Variants in LRRIQ3 observed in about 807,000 individuals in gnomAD.
LRRIQ3 encodes the protein leucine rich repeats and IQ motif containing 3.
A neutral mutation model predicts 59.3 loss-of-function variants in LRRIQ3; 75 were observed. That is an observed-to-expected ratio of 1.26 (90% confidence interval 1.05 to 1.53). LRRIQ3 has a LOEUF of 1.53. Ranked by LOEUF, LRRIQ3 falls within the 40% of genes most tolerant of loss-of-function variation. LRRIQ3 has a pLI of 0.00. For synonymous variants in LRRIQ3, 250 were observed against 231.3 expected (o/e 1.08, Z -0.73); for missense variants, 831 against 710.0 (o/e 1.17, Z -1.94).
chr1:74,183,728 A>C, intron 1 of LRRIQ3, 44 bp from the exon 2 acceptor site: 1 of 1,395,388 alleles, frequency 7.2e-7, no homozygotes, highest in Non-Finnish European at 9.4e-7. Context: ...TTCCACTTTC[A>C]AAAATTTACC....
intron 6 of LRRIQ3, among the ~76,000 whole-genome samples, chr1:74,044,403 G>T (rs559155574): frequency 1.3e-5 from 2 of 152,034 alleles, no homozygotes; most frequent in Non-Finnish European, 2.9e-5. Flanking sequence ...AGAGCTAGTT[G>T]TTTAAAAAAG....
intron 6 of LRRIQ3, among the ~76,000 whole-genome samples, chr1:74,068,508 G>A (rs1654930997): frequency 6.6e-6 from 1 of 152,010 alleles, no homozygotes; most frequent in East Asian, 1.9e-4. Context: ...GGGAGCACAT[G>A]GAATATATGG....
At chr1:74,117,741 G>A (rs1018957310) in intron 4 of LRRIQ3, among the ~76,000 whole-genome samples, 3 of 152,072 alleles carry the variant, frequency 2.0e-5, no homozygotes, top group African/African-American at 7.2e-5. Context: ...ACTCCAGTCT[G>A]GGTGACAGAG....
intron 5 of LRRIQ3, among the ~76,000 whole-genome samples, chr1:74,092,196 G>T (rs1047543316): frequency 6.6e-6 from 1 of 152,070 alleles, no homozygotes; most frequent in Admixed American, 6.6e-5. Context: ...TGGAGGTCAT[G>T]TTCAGAAAAG....
At chr1:74,171,165 C>T (rs1183623951) in intron 3 of LRRIQ3, among the ~76,000 whole-genome samples, 2 of 152,030 alleles carry the variant, frequency 1.3e-5, no homozygotes, top group Non-Finnish European at 2.9e-5. Flanking sequence ...AGTCCCATTG[C>T]TTTGGCTTGG....
At chr1:74,046,814 G>C (rs990204717) in intron 6 of LRRIQ3, among the ~76,000 whole-genome samples, 1 of 152,126 alleles carries the variant, frequency 6.6e-6, no homozygotes, top group African/African-American at 2.4e-5. Context: ...TTTCTCAAAA[G>C]AAGGCATTTA....
At chr1:74,045,927 A>T (rs112798748) in intron 6 of LRRIQ3, among the ~76,000 whole-genome samples, 1,830 of 152,242 alleles carry the variant, frequency 0.012, 30 homozygotes, top group African/African-American at 0.042. Context: ...TTCAAGGAGA[A>T]CTACAAGCCA....
chr1:74,048,977 A>T (rs74093605), intron 6 of LRRIQ3, among the ~76,000 whole-genome samples: 1,789 of 152,312 alleles, frequency 0.012, 42 homozygotes, highest in African/African-American at 0.041. Context: ...ATAAAAATTA[A>T]TTGGCAGTGA....
intron 3 of LRRIQ3, among the ~76,000 whole-genome samples, chr1:74,168,380 T>C (rs1649122542): frequency 6.6e-6 from 1 of 152,100 alleles, no homozygotes; most frequent in Admixed American, 6.6e-5. Context: ...ATTTCCTTTA[T>C]CAGATATTCA....
intron 3 of LRRIQ3, among the ~76,000 whole-genome samples, chr1:74,176,916 T>C (rs1382695316): frequency 1.3e-5 from 2 of 152,156 alleles, no homozygotes; most frequent in African/African-American, 2.4e-5. Flanking sequence ...GTTGCTTCAC[T>C]TGAGTCTCAA....
At chr1:74,039,666 A>T (rs1371391076) in intron 7 of LRRIQ3, among the ~76,000 whole-genome samples, 1 of 152,212 alleles carries the variant, frequency 6.6e-6, no homozygotes, top group African/African-American at 2.4e-5. Flanking sequence ...TCAACACAGA[A>T]TTTCATATTC....
At chr1:74,174,849 T>G (rs1453831290) in intron 3 of LRRIQ3, among the ~76,000 whole-genome samples, 1 of 152,230 alleles carries the variant, frequency 6.6e-6, no homozygotes, top group Admixed American at 6.5e-5. Flanking sequence ...AATATTATTT[T>G]GAATTCTTTG....
At chr1:74,188,356 A>C (rs1349751610) in intron 1 of LRRIQ3, among the ~76,000 whole-genome samples, 1 of 152,172 alleles carries the variant, frequency 6.6e-6, no homozygotes, top group Admixed American at 6.5e-5. Context: ...ATTGTACAAC[A>C]AATTACCCTG....
chr1:74,123,199 G>A (rs1646886896), intron 4 of LRRIQ3, among the ~76,000 whole-genome samples: 1 of 151,450 alleles, frequency 6.6e-6, no homozygotes, highest in Non-Finnish European at 1.5e-5. Context: ...ATAGTTATGG[G>A]GTACATGAGA....
chr1:74,138,562 A>C, intron 4 of LRRIQ3: 1 of 881,418 alleles, frequency 1.1e-6, no homozygotes, highest in Non-Finnish European at 1.4e-6. Context: ...ACTCTTCAGG[A>C]GAGTGAAATG....
chr1:74,058,470 G>T (rs1313326388), intron 6 of LRRIQ3, among the ~76,000 whole-genome samples: 1 of 152,084 alleles, frequency 6.6e-6, no homozygotes. Context: ...GCCAGGTACA[G>T]AAAGACAAAT....
At chr1:74,185,761 G>C (rs1650326466) in intron 1 of LRRIQ3, among the ~76,000 whole-genome samples, 1 of 151,852 alleles carries the variant, frequency 6.6e-6, no homozygotes, top group Non-Finnish European at 1.5e-5. Context: ...GGCTAATACG[G>C]TGAAACCCCG....
Position 74,109,383 on chromosome 1 carries a change from A to G in LRRIQ3, c.867+11T>C. 7 of 1,449,528 alleles carry G rather than the reference A, an allele frequency of 4.8e-6. No homozygotes were observed. The highest frequency in any genetic ancestry group is 5.6e-6 in the Non-Finnish European group (6 of 1,063,188). The allele number at this position is 1,449,528 out of a possible 1,614,324, so 89.8% of individuals were successfully genotyped here. A position where few individuals can be genotyped will look rare whatever the true frequency, so the allele number is the denominator to read the frequency against. On this transcript the variant is annotated intron_variant, in intron 5 of 7. Transcript: ENST00000354431. The stretch of plus-strand genomic sequence containing the variant: ...CATTTCAAATAAAAATAATAAACTA[A>G]TTATACTTACATGTTTCCAATATGC...
At chr1:74,081,707 C>T (rs1646274585) in intron 5 of LRRIQ3, among the ~76,000 whole-genome samples, 1 of 151,162 alleles carries the variant, frequency 6.6e-6, no homozygotes, top group African/African-American at 2.4e-5. Flanking sequence ...CAATACAATT[C>T]TATTCACAAC....
Sources: gnomAD v4.1 joint callset for allele counts (sites outside exome capture counted in the v4.1 genomes callset) on GRCh38, gnomAD v4.1.1 for gene constraint, MANE v1.5 for transcripts, NCBI Gene and HGNC (gene_info 2026-07-23, HGNC 2026-07-21) for gene names.